PRKG1: variants seen among roughly 807,000 people sequenced by gnomAD.
PRKG1 encodes the protein protein kinase cGMP-dependent 1.
A neutral mutation model predicts 88.1 loss-of-function variants in PRKG1; 35 were observed. The ratio of observed to expected loss-of-function variants is 0.40; its 90% CI spans 0.30 to 0.53. PRKG1 has a LOEUF of 0.53. Ranked by LOEUF, PRKG1 falls within the 20% of genes least tolerant of loss-of-function variation. The pLI is 0.59. For missense variants in PRKG1, 540 were observed against 839.8 expected, an observed-to-expected ratio of 0.64 and a Z score of 4.41; for synonymous variants, 303 against 292.5, an observed-to-expected ratio of 1.04 and a Z score of -0.37.
At chr10:51,990,099 T>C (rs1459345207) in intron 5 of PRKG1, among the ~76,000 whole-genome samples, 3 of 152,186 alleles carry the variant, frequency 2.0e-5, no homozygotes, top group Admixed American at 1.3e-4. Context: ...TTCCTCACTG[T>C]ACATTCTTGG....
At position 52,271,337 on chromosome 10, in the gene PRKG1, CTCTT is replaced by C. The variant is rs762325343; in HGVS notation, c.1174-7_1174-4del. 19 of 1,610,362 alleles carry C rather than the reference CTCTT, an allele frequency of 1.2e-5. No homozygotes were observed. The highest frequency in any genetic ancestry group is 1.4e-5 in the Non-Finnish European group (17 of 1,177,506). On this transcript the variant is annotated splice_polypyrimidine_tract_variant and intron_variant, in intron 10 of 17. Transcript: ENST00000373980. ...TATGGGCTTTTTCTTACTCTCTTCT[CTCTT>C]TCTTTAAGGTCCAGTTGAAAAGTGA...
At chr10:51,643,121 T>TA (rs143161990) in intron 3 of PRKG1, among the ~76,000 whole-genome samples, 39,964 of 151,956 alleles carry the variant, frequency 0.26, 5,680 homozygotes, top group Non-Finnish European at 0.32. Context: ...ATGCTTGAGT[T>TA]AAAAAAATTA....
intron 2 of PRKG1, among the ~76,000 whole-genome samples, chr10:51,284,601 G>A (rs1052907322): frequency 3.3e-5 from 5 of 152,146 alleles, no homozygotes; most frequent in African/African-American, 4.8e-5. Context: ...AAATAAAAAA[G>A]TCTATAGTGC....
rs151061587 is a variant in PRKG1, at chr10:52,268,288, T to A, written c.1174-3062T>A. Among the ~76,000 whole-genome samples the A allele has an allele frequency of 5.3e-5, 8 of 152,248 alleles. No homozygotes were observed. The Middle Eastern group carries it at 0.01, about 194-fold the overall frequency. On this transcript the variant is annotated intron_variant, in intron 10 of 17. Transcript: ENST00000373980. The stretch of plus-strand genomic sequence containing the variant: ...TTTTTGTAATTAATGCTTTTTAAAT[T>A]GGCAACTAGTAAGCCTGACTCCCAA...
chr10:51,535,251 T>C (rs1842117360), intron 3 of PRKG1, among the ~76,000 whole-genome samples: 1 of 152,204 alleles, frequency 6.6e-6, no homozygotes, highest in Non-Finnish European at 1.5e-5. Context: ...CAGGAAATGT[T>C]AATATATTAC....
At chr10:51,063,805 A>G (rs183067774) in intron 1 of PRKG1, among the ~76,000 whole-genome samples, 1 of 152,282 alleles carries the variant, frequency 6.6e-6, no homozygotes. Flanking sequence ...ATTGTGTTAA[A>G]CAAAGACACA....
chr10:51,575,211 T>A (rs191227959), intron 3 of PRKG1, among the ~76,000 whole-genome samples: 2 of 152,090 alleles, frequency 1.3e-5, no homozygotes, highest in Admixed American at 1.3e-4. Context: ...GGGATCACAA[T>A]GTAAGATTAC....
At chr10:51,690,266 C>T (rs1447101931) in intron 3 of PRKG1, among the ~76,000 whole-genome samples, 1 of 152,038 alleles carries the variant, frequency 6.6e-6, no homozygotes, top group African/African-American at 2.4e-5. Flanking sequence ...CAATCACCTC[C>T]CACAAGGCCC....
At chr10:51,090,310 A>T (rs953389454) in intron 1 of PRKG1, among the ~76,000 whole-genome samples, 2 of 152,138 alleles carry the variant, frequency 1.3e-5, no homozygotes, top group Non-Finnish European at 2.9e-5. Context: ...AGATGGAAAG[A>T]AGTTCAGTAA....
At chr10:51,099,274 A>C (rs937881097) in intron 1 of PRKG1, among the ~76,000 whole-genome samples, 2 of 152,068 alleles carry the variant, frequency 1.3e-5, no homozygotes, top group Non-Finnish European at 2.9e-5. Flanking sequence ...GGAAGAATTG[A>C]AGAAGTTATT....
At chr10:51,367,383 C>T (rs1412308646) in intron 2 of PRKG1, among the ~76,000 whole-genome samples, 1 of 151,856 alleles carries the variant, frequency 6.6e-6, no homozygotes, top group Non-Finnish European at 1.5e-5. Context: ...ATTTTGTTTT[C>T]CTTTAAAGAG....
intron 2 of PRKG1, among the ~76,000 whole-genome samples, chr10:51,449,867 G>A (rs1839384722): frequency 6.6e-6 from 1 of 151,618 alleles, no homozygotes; most frequent in African/African-American, 2.4e-5. Context: ...TCTGGGCATA[G>A]TTAGGATTTA....
intron 7 of PRKG1, among the ~76,000 whole-genome samples, chr10:52,096,092 C>G (rs1190342449): frequency 3.9e-5 from 6 of 152,080 alleles, no homozygotes; most frequent in Non-Finnish European, 7.4e-5. Flanking sequence ...GCTGTAGGGT[C>G]TCTGTATCTA....
intron 3 of PRKG1, among the ~76,000 whole-genome samples, chr10:51,628,006 C>CTT (rs1839403128): frequency 1.2e-4 from 6 of 51,680 alleles, no homozygotes; most frequent in Non-Finnish European, 1.6e-4. Flanking sequence ...CTCTCTCTCT[C>CTT]TCTCTTTCTT....
At chr10:51,704,483 T>C (rs1841556761) in intron 3 of PRKG1, among the ~76,000 whole-genome samples, 1 of 152,204 alleles carries the variant, frequency 6.6e-6, no homozygotes, top group Non-Finnish European at 1.5e-5. Context: ...CTTGTCATTT[T>C]ATTCCTAGGT....
chr10:51,562,116 C>A (rs954759854), intron 3 of PRKG1, among the ~76,000 whole-genome samples: 9 of 151,632 alleles, frequency 5.9e-5, no homozygotes, highest in African/African-American at 2.2e-4. Context: ...CCCAGCTACT[C>A]AGGAGGCTGA....
intron 1 of PRKG1, among the ~76,000 whole-genome samples, chr10:51,042,362 A>G (rs1374393825): frequency 6.6e-6 from 1 of 152,164 alleles, no homozygotes; most frequent in South Asian, 2.1e-4. Context: ...CACTACCTCA[A>G]GGTAATGCCC....
chr10:52,105,605 C>T (rs1300844281), intron 7 of PRKG1, among the ~76,000 whole-genome samples: 4 of 150,226 alleles, frequency 2.7e-5, no homozygotes, highest in Non-Finnish European at 4.4e-5. Flanking sequence ...TATTTTTTTT[C>T]AAAGTTAATA....
At chr10:51,135,839 A>G (rs983894123) in intron 1 of PRKG1, among the ~76,000 whole-genome samples, 1 of 151,938 alleles carries the variant, frequency 6.6e-6, no homozygotes, top group Admixed American at 6.6e-5. Context: ...AGCAGTTTGT[A>G]AAATAAAAAG....
Sources: allele counts gnomAD v4.1 joint callset (sites outside exome capture counted in the v4.1 genomes callset), GRCh38; gene constraint gnomAD v4.1.1; transcripts MANE v1.5; gene names NCBI Gene and HGNC (gene_info 2026-07-23, HGNC 2026-07-21).